The following SNTG1 variants were observed in gnomAD, a reference collection of about 807,000 sequenced individuals.
SNTG1 encodes the protein syntrophin gamma 1.
SNTG1 carries 39 observed loss-of-function variants against 74.7 expected under a neutral mutation model. The ratio of observed to expected loss-of-function variants is 0.52; its 90% CI spans 0.40 to 0.68. The LOEUF (loss-of-function observed/expected upper bound fraction) is 0.68. Ranked by LOEUF, SNTG1 falls within the 30% of genes least tolerant of loss-of-function variation. SNTG1 has a pLI of 0.00. For synonymous variants in SNTG1, 254 were observed against 217.1 expected, an observed-to-expected ratio of 1.17 and a Z score of -1.49; for missense variants, 685 against 609.5, an observed-to-expected ratio of 1.12 and a Z score of -1.30.
At position 50,123,254 on chromosome 8, in the gene SNTG1, C is replaced by A. The variant is rs1272876757; in HGVS notation, c.-102-49307C>A. On this transcript the variant is annotated intron_variant, in intron 1 of 18. Transcript: ENST00000642720. Reference sequence around the variant, plus strand: ...ATTATTGTACCGCTCAGTGCTCCAACACACAATTACATCGGTGCATAAAAG... The same window carrying A: ...ATTATTGTACCGCTCAGTGCTCCAAAACACAATTACATCGGTGCATAAAAG... Among the ~76,000 whole-genome samples, 5 of 143,072 alleles carry A rather than the reference C, an allele frequency of 3.5e-5. 1 individual carries two copies. Among genetic ancestry groups the A allele is most frequent in the South Asian group, 2.6e-4 (1 of 3,870 alleles). The allele number at this position is 143,072 out of a possible 152,430, so 93.9% of individuals were successfully genotyped here.
intron 2 of SNTG1, among the ~76,000 whole-genome samples, chr8:50,245,094 A>G (rs2086335759): frequency 6.6e-6 from 1 of 152,162 alleles, no homozygotes; most frequent in Admixed American, 6.5e-5. Flanking sequence ...GAATCATCTC[A>G]GTGCATGTGT....
At chr8:50,250,319 G>T (rs910174711) in intron 2 of SNTG1, among the ~76,000 whole-genome samples, 2 of 151,914 alleles carry the variant, frequency 1.3e-5, no homozygotes, top group African/African-American at 2.4e-5. Flanking sequence ...AAGCCTATGT[G>T]ATATATGGGA....
intron 2 of SNTG1, among the ~76,000 whole-genome samples, chr8:50,262,009 G>A (rs1444227740): frequency 2.6e-5 from 4 of 152,112 alleles, no homozygotes; most frequent in Non-Finnish European, 5.9e-5. Flanking sequence ...CCCAGTGTAT[G>A]TGCTCAGATC....
chr8:50,502,171 A>C (rs2093965389), intron 8 of SNTG1, among the ~76,000 whole-genome samples: 1 of 152,184 alleles, frequency 6.6e-6, no homozygotes, highest in Non-Finnish European at 1.5e-5. Flanking sequence ...TGCTATTGAT[A>C]ATAACAGGTT....
chr8:50,722,013 T>C (rs1192574914), intron 17 of SNTG1, among the ~76,000 whole-genome samples: 1 of 151,338 alleles, frequency 6.6e-6, no homozygotes, highest in African/African-American at 2.4e-5. Flanking sequence ...TTACATATTA[T>C]ATGCCTCATT....
chr8:50,326,975 T>A (rs1159951587), intron 2 of SNTG1, among the ~76,000 whole-genome samples: 1 of 152,146 alleles, frequency 6.6e-6, no homozygotes, highest in Non-Finnish European at 1.5e-5. Flanking sequence ...GAGTGTTGTT[T>A]AATCCTCAAG....
intron 2 of SNTG1, among the ~76,000 whole-genome samples, chr8:50,289,734 T>C (rs1172500181): frequency 6.6e-6 from 1 of 152,134 alleles, no homozygotes; most frequent in Non-Finnish European, 1.5e-5. Flanking sequence ...TTATTATTTA[T>C]GCTCAGCAAA....
intron 12 of SNTG1, among the ~76,000 whole-genome samples, chr8:50,574,691 TG>T (rs2094566973): frequency 6.6e-6 from 1 of 152,154 alleles, no homozygotes; most frequent in African/African-American, 2.4e-5. Context: ...AATAGATGTT[TG>T]GTTTTTTTGT....
At chr8:50,203,115 T>A (rs77969912) in intron 2 of SNTG1, among the ~76,000 whole-genome samples, 1 of 152,158 alleles carries the variant, frequency 6.6e-6, no homozygotes, top group African/African-American at 2.4e-5. Context: ...TCCATTTCAG[T>A]TGGGAAGTTC....
rs1354441887 is a variant in SNTG1, at chr8:50,794,178, G to A, written c.*1349G>A. On this transcript the variant is annotated 3_prime_UTR_variant, in exon 19 of 19. Coordinates refer to ENST00000642720, the MANE Select transcript of SNTG1 (RefSeq NM_018967.5). ...CTCCCAGGTAAACCAAGTATTATGTGTGTCCTTGTGGAGATAACCAAGTAT... is the reference window on the plus strand; with the variant it reads ...CTCCCAGGTAAACCAAGTATTATGTATGTCCTTGTGGAGATAACCAAGTAT... 2.7e-5 allele frequency: 4 copies of A among 150,844 alleles called. No homozygotes were observed. The highest frequency in any genetic ancestry group is 9.7e-5 in the African/African-American group (4 of 41,110). The allele number at this position is 150,844 out of a possible 1,614,324, so 9.3% of individuals were successfully genotyped here. A position where few individuals can be genotyped will look rare whatever the true frequency, so the allele number is the denominator to read the frequency against.
intron 1 of SNTG1, among the ~76,000 whole-genome samples, chr8:50,091,084 T>C (rs1424021253): frequency 6.6e-6 from 1 of 152,138 alleles, no homozygotes; most frequent in African/African-American, 2.4e-5. Flanking sequence ...CATAGTGGCA[T>C]AGATAATTAA....
chr8:50,450,083 G>C (rs769110011), intron 6 of SNTG1, among the ~76,000 whole-genome samples: 2 of 152,198 alleles, frequency 1.3e-5, no homozygotes, highest in African/African-American at 2.4e-5. Flanking sequence ...GTTCTCATTT[G>C]CAATTTTACT....
chr8:50,432,416 TA>T (rs2093248464), intron 4 of SNTG1, among the ~76,000 whole-genome samples: 1 of 152,142 alleles, frequency 6.6e-6, no homozygotes, highest in African/African-American at 2.4e-5. Context: ...TGTTGTGTAC[TA>T]AAACTTTATA....
chr8:50,026,458 G>T (rs1159591789), intron 1 of SNTG1, among the ~76,000 whole-genome samples: 1 of 152,118 alleles, frequency 6.6e-6, no homozygotes, highest in South Asian at 2.1e-4. Flanking sequence ...AATGAGATAA[G>T]GGTTGAAGGT....
intron 1 of SNTG1, among the ~76,000 whole-genome samples, chr8:49,974,374 C>A (rs318901): frequency 0.038 from 5,753 of 152,194 alleles, 367 homozygotes; most frequent in African/African-American, 0.13. Context: ...CTCAAATATT[C>A]CATGAGATAA....
chr8:50,647,170 C>T (rs1355029293), intron 13 of SNTG1, among the ~76,000 whole-genome samples: 1 of 151,930 alleles, frequency 6.6e-6, no homozygotes, highest in Non-Finnish European at 1.5e-5. Context: ...TTCTCAGATA[C>T]AACACAAAAA....
intron 1 of SNTG1, among the ~76,000 whole-genome samples, chr8:49,982,973 A>G (rs1359039053): frequency 6.6e-6 from 1 of 152,182 alleles, no homozygotes; most frequent in African/African-American, 2.4e-5. Context: ...CACTGTGTAT[A>G]CTTTTAATAC....
chr8:49,916,284 G>A (rs1806026287), intron 1 of SNTG1, among the ~76,000 whole-genome samples: 3 of 151,884 alleles, frequency 2.0e-5, no homozygotes, highest in Admixed American at 2.0e-4. Context: ...ATGTCTTGAG[G>A]CCAGAGAATT....
intron 2 of SNTG1, among the ~76,000 whole-genome samples, chr8:50,389,963 T>A (rs925511623): frequency 3.3e-4 from 50 of 152,208 alleles, no homozygotes; most frequent in Non-Finnish European, 5.9e-5. Context: ...GTTTGAGTTC[T>A]TTGTAGGTTC....
Sources: allele counts gnomAD v4.1 joint callset (sites outside exome capture counted in the v4.1 genomes callset), GRCh38; gene constraint gnomAD v4.1.1; transcripts MANE v1.5; gene names NCBI Gene and HGNC (gene_info 2026-07-23, HGNC 2026-07-21).